CFAP61: variants seen among roughly 807,000 people sequenced by gnomAD.
CFAP61 encodes cilia- and flagella-associated protein 61.
Under a neutral mutation model 135.6 loss-of-function variants are expected in CFAP61, and 107 were observed. The observed-to-expected ratio is 0.79, with a 90% CI of 0.67 to 0.93. The LOEUF is 0.93. CFAP61 is among the 40% of genes least tolerant of loss of function. The probability of loss-of-function intolerance (pLI) is 0.00; values close to 1 mark genes in which losing one functional copy is unlikely to be tolerated. For missense variants in CFAP61, 1,507 were observed against 1,556.2 expected, an observed-to-expected ratio of 0.97 and a Z score of 0.53; for synonymous variants, 575 against 578.5, an observed-to-expected ratio of 0.99 and a Z score of 0.09.
Position 20,251,649 on chromosome 20 carries a change from T to C in CFAP61, c.2214T>C (p.Asn738=). The C allele has an allele frequency of 6.2e-7, 1 of 1,614,246 alleles. No homozygotes were observed. Among genetic ancestry groups the C allele is most frequent in the Non-Finnish European group, 8.5e-7 (1 of 1,180,038 alleles). Residue 738 remains asparagine, a synonymous_variant, in exon 20 of 27, where the codon AAT becomes AAC. Coordinates refer to ENST00000245957, the MANE Select transcript of CFAP61 (RefSeq NM_015585.4). The part of the protein sequence containing the change: ...YALMSLCSWV[N]VVVGRMTGID... ...TGATGTCACTGTGCTCCTGGGTTAA[T>C]GTCGTGGTGGGTAGAATGACCGGCA... is the stretch of plus-strand genomic sequence containing the variant.
At chr20:20,248,656 T>G (rs1013688262) in intron 19 of CFAP61, among the ~76,000 whole-genome samples, 1 of 152,022 alleles carries the variant, frequency 6.6e-6, no homozygotes, top group African/African-American at 2.4e-5. Context: ...TTTCTAGGAG[T>G]GTCACAATTA....
At chr20:20,238,034 A>T (rs756481924) in intron 18 of CFAP61, among the ~76,000 whole-genome samples, 58 of 152,312 alleles carry the variant, frequency 3.8e-4, no homozygotes, top group East Asian at 7.7e-4. Context: ...CAAAATAAAA[A>T]TTTTTTTAAA....
chr20:20,341,612 T>C (rs1355831079), intron 25 of CFAP61, among the ~76,000 whole-genome samples: 2 of 152,244 alleles, frequency 1.3e-5, no homozygotes, highest in African/African-American at 4.8e-5. Context: ...GCCCCAGCTC[T>C]GAATTAAACC....
chr20:20,288,314 C>A (rs1385646050), intron 22 of CFAP61, among the ~76,000 whole-genome samples: 2 of 152,160 alleles, frequency 1.3e-5, no homozygotes, highest in African/African-American at 4.8e-5. Context: ...CAAATGTAAA[C>A]CCTCTTCCGC....
intron 23 of CFAP61, among the ~76,000 whole-genome samples, chr20:20,289,951 G>A (rs1357147596): frequency 6.6e-6 from 1 of 152,210 alleles, no homozygotes; most frequent in Non-Finnish European, 1.5e-5. Context: ...ATGAGGAATA[G>A]GAATGCTGTT....
chr20:20,303,182 C>A (rs1294004998), intron 25 of CFAP61, among the ~76,000 whole-genome samples: 1 of 152,144 alleles, frequency 6.6e-6, no homozygotes, highest in African/African-American at 2.4e-5. Flanking sequence ...TATGCTAAGA[C>A]TTTCCGGAAA....
intron 8 of CFAP61, among the ~76,000 whole-genome samples, chr20:20,118,541 A>G (rs905592791): frequency 2.6e-5 from 4 of 151,658 alleles, no homozygotes; most frequent in Non-Finnish European, 5.9e-5. Flanking sequence ...GGGTTTCACC[A>G]TGTTGGCCAG....
At chr20:20,250,937 C>T (rs2050835061) in intron 19 of CFAP61, among the ~76,000 whole-genome samples, 1 of 152,230 alleles carries the variant, frequency 6.6e-6, no homozygotes, top group South Asian at 2.1e-4. Flanking sequence ...CCTGGGCCTG[C>T]TGGCGGTCGA....
chr20:20,147,116 A>G (rs1465378832), intron 9 of CFAP61, among the ~76,000 whole-genome samples: 1 of 152,218 alleles, frequency 6.6e-6, no homozygotes, highest in Admixed American at 6.5e-5. Context: ...TTCATACTGT[A>G]TATACCATAT....
chr20:20,328,574 G>A (rs1160708031), intron 25 of CFAP61, among the ~76,000 whole-genome samples: 6 of 151,772 alleles, frequency 4.0e-5, no homozygotes, highest in Admixed American at 3.9e-4. Flanking sequence ...CACAACAAAG[G>A]AAACAATTTC....
intron 7 of CFAP61, 104 bp downstream of exon 7, chr20:20,091,080 C>A: frequency 7.6e-7 from 1 of 1,319,824 alleles, no homozygotes. Context: ...CCATTGTCTC[C>A]CTGGCCACCC....
chr20:20,273,311 G>A (rs117247076), intron 21 of CFAP61, among the ~76,000 whole-genome samples: 18 of 152,206 alleles, frequency 1.2e-4, no homozygotes, highest in Non-Finnish European at 2.5e-4. Context: ...GGTTACATTA[G>A]GGACTATGTG....
intron 15 of CFAP61, among the ~76,000 whole-genome samples, chr20:20,196,165 C>T (rs1375368580): frequency 6.6e-6 from 1 of 152,164 alleles, no homozygotes; most frequent in Non-Finnish European, 1.5e-5. Context: ...CAGAGAACAC[C>T]AGTGGCTCTG....
chr20:20,074,196 A>G (rs2045906671), intron 3 of CFAP61, 106 bp from the exon 4 acceptor site: 7 of 858,828 alleles, frequency 8.2e-6, no homozygotes, highest in Non-Finnish European at 1.4e-5. Flanking sequence ...CCTAAATGCC[A>G]GGCTGTTCTG....
At chr20:20,251,941 G>A (rs868013782) in intron 20 of CFAP61, among the ~76,000 whole-genome samples, 178 bp downstream of exon 20, 4 of 152,258 alleles carry the variant, frequency 2.6e-5, no homozygotes, top group Admixed American at 6.5e-5. Flanking sequence ...AATTATGTCC[G>A]CAAACCCTCC....
chr20:20,209,749 A>T (rs550087379), intron 17 of CFAP61, among the ~76,000 whole-genome samples: 4 of 152,146 alleles, frequency 2.6e-5, no homozygotes, highest in Non-Finnish European at 5.9e-5. Flanking sequence ...GGCAGGTAGG[A>T]AAGACATCCA....
At chr20:20,102,545 G>A (rs528408308) in intron 8 of CFAP61, among the ~76,000 whole-genome samples, 1 of 152,220 alleles carries the variant, frequency 6.6e-6, no homozygotes, top group Admixed American at 6.5e-5. Flanking sequence ...GTAAACTTGT[G>A]TCATGTGGGT....
intron 2 of CFAP61, among the ~76,000 whole-genome samples, chr20:20,067,428 G>T (rs2045355334): frequency 6.6e-6 from 1 of 151,692 alleles, no homozygotes; most frequent in Non-Finnish European, 1.5e-5. Flanking sequence ...ACTAAAAAAA[G>T]TAAAAGAGAT....
At chr20:20,196,522 G>T (rs772132726) in intron 15 of CFAP61, 48 bp from the exon 16 acceptor site, 4 of 1,356,576 alleles carry the variant, frequency 2.9e-6, no homozygotes, top group Non-Finnish European at 4.2e-6. Flanking sequence ...AATGCATGCC[G>T]TTTGTTTAAA....
Sources: allele counts gnomAD v4.1 joint callset (sites outside exome capture counted in the v4.1 genomes callset), GRCh38; gene constraint gnomAD v4.1.1; transcripts MANE v1.5; gene names NCBI Gene and HGNC (gene_info 2026-07-23, HGNC 2026-07-21).